The following NR5A2 variants were observed in gnomAD, a reference collection of about 807,000 sequenced individuals.
The protein encoded by NR5A2 is CYP7A promoter-binding factor.
In NR5A2, 26 loss-of-function variants were observed where a neutral mutation model predicts 62.7. The observed-to-expected ratio is 0.41, with a 90% CI of 0.30 to 0.58. NR5A2 has a LOEUF of 0.58. Among genes scored for constraint, NR5A2 ranks in the 20% least tolerant of loss-of-function variants. The probability of loss-of-function intolerance (pLI) is 0.22; values close to 1 mark genes in which losing one functional copy is unlikely to be tolerated. For synonymous variants in NR5A2, 246 were observed against 241.7 expected (o/e 1.02, Z -0.16); for missense variants, 541 against 669.1 (o/e 0.81, Z 2.11).
intron 5 of NR5A2, among the ~76,000 whole-genome samples, chr1:200,090,664 A>T (rs953309871): frequency 1.3e-5 from 2 of 152,236 alleles, no homozygotes; most frequent in Non-Finnish European, 2.9e-5. Flanking sequence ...TCAGTAAGTA[A>T]GATCAGGGAC....
intron 7 of NR5A2, among the ~76,000 whole-genome samples, chr1:200,134,528 G>T (rs1275875576): frequency 6.6e-6 from 1 of 152,092 alleles, no homozygotes. Flanking sequence ...ACATATCCCG[G>T]GTGTGTAGTA....
At chr1:200,141,789 T>C (rs1400863677) in intron 7 of NR5A2, among the ~76,000 whole-genome samples, 1 of 152,240 alleles carries the variant, frequency 6.6e-6, no homozygotes, top group East Asian at 1.9e-4. Flanking sequence ...ATATAAAACT[T>C]GAAGTTGACA....
At chr1:200,142,713 A>C (rs1035778530) in intron 7 of NR5A2, among the ~76,000 whole-genome samples, 1 of 152,094 alleles carries the variant, frequency 6.6e-6, no homozygotes, top group Non-Finnish European at 1.5e-5. Flanking sequence ...GATTTCTAAT[A>C]GACCTGTTTT....
chr1:200,057,953 A>G (rs1662996423), intron 5 of NR5A2: 1 of 152,742 alleles, frequency 6.5e-6, no homozygotes, highest in African/African-American at 2.4e-5. Flanking sequence ...ATGCGCCACC[A>G]TGCCTAGCTA....
intron 5 of NR5A2, among the ~76,000 whole-genome samples, chr1:200,093,526 A>G (rs1200927244): frequency 6.6e-6 from 1 of 152,220 alleles, no homozygotes; most frequent in African/African-American, 2.4e-5. Flanking sequence ...GATCCCTTCT[A>G]ACTTTGAGAC....
chr1:200,123,217 AG>A (rs1215884104), intron 7 of NR5A2, among the ~76,000 whole-genome samples: 1 of 152,190 alleles, frequency 6.6e-6, no homozygotes, highest in Non-Finnish European at 1.5e-5. Context: ...GTCAGAGGCC[AG>A]GGTCTATTCT....
intron 7 of NR5A2, among the ~76,000 whole-genome samples, chr1:200,152,293 G>T (rs1365110193): frequency 6.6e-6 from 1 of 152,128 alleles, no homozygotes; most frequent in Non-Finnish European, 1.5e-5. Context: ...CATGTGCAAT[G>T]AATGTATTCA....
chr1:200,124,449 A>G (rs1308987269), intron 7 of NR5A2, among the ~76,000 whole-genome samples: 1 of 152,210 alleles, frequency 6.6e-6, no homozygotes, highest in African/African-American at 2.4e-5. Context: ...GATTGTATCC[A>G]TGAGCAGACA....
At chr1:200,043,132 A>G (rs927098378) in intron 2 of NR5A2, 14 of 432,822 alleles carry the variant, frequency 3.2e-5, no homozygotes, top group Non-Finnish European at 4.0e-5. Context: ...AGATTTTCAA[A>G]CGTAAGGAGA....
intron 5 of NR5A2, among the ~76,000 whole-genome samples, chr1:200,105,981 C>T (rs375722754): frequency 4.6e-5 from 7 of 151,294 alleles, no homozygotes; most frequent in South Asian, 2.1e-4. Context: ...GGGAGGGGGC[C>T]GCAAAAAGGT....
intron 2 of NR5A2, among the ~76,000 whole-genome samples, chr1:200,040,352 T>C (rs1571699671): frequency 6.6e-6 from 1 of 152,282 alleles, no homozygotes; most frequent in South Asian, 2.1e-4. Context: ...CTGGCAGAAC[T>C]GAAGGGAACA....
At chr1:200,102,872 G>A (rs1483539855) in intron 5 of NR5A2, among the ~76,000 whole-genome samples, 1 of 152,136 alleles carries the variant, frequency 6.6e-6, no homozygotes, top group African/African-American at 2.4e-5. Flanking sequence ...AAGACTTCCT[G>A]AAGGAGGCGC....
chr1:200,030,468 A>C (rs1661510640), intron 1 of NR5A2, among the ~76,000 whole-genome samples: 1 of 152,218 alleles, frequency 6.6e-6, no homozygotes, highest in Non-Finnish European at 1.5e-5. Context: ...CAGCACACTC[A>C]GGTTATAACT....
At chr1:200,091,018 T>G (rs186471941) in intron 5 of NR5A2, among the ~76,000 whole-genome samples, 37 of 152,312 alleles carry the variant, frequency 2.4e-4, no homozygotes, top group African/African-American at 8.7e-4. Flanking sequence ...TCTTCTGAGA[T>G]CAATATCCCT....
chr1:200,127,709 A>AATATATATATATAT lies in NR5A2; in HGVS notation c.1378+6763_1378+6776dup, dbSNP rs71132667. On this transcript the variant is annotated intron_variant, in intron 7 of 7. Coordinates refer to ENST00000367362, the MANE Select transcript of NR5A2 (RefSeq NM_205860.3). ...AAAAAAAAAAAAAAAAAAAAAAAAA[A>AATATATATATATAT]ATATATATATATATATATATATGGT... Among the ~76,000 whole-genome samples the AATATATATATATAT allele has an allele frequency of 1.7e-3, 40 of 23,190 alleles. 1 individual carries two copies. The highest frequency in any genetic ancestry group is 0.038 in the Middle Eastern group (1 of 26). 15.2% of individuals were successfully genotyped at this position (23,190 alleles called of 152,430 possible).
chr1:200,133,079 AT>A (rs1427960884), intron 7 of NR5A2, among the ~76,000 whole-genome samples: 2 of 152,218 alleles, frequency 1.3e-5, no homozygotes, highest in Non-Finnish European at 2.9e-5. Flanking sequence ...ACAGATATGG[AT>A]TTCTATATTA....
Position 200,048,589 on chromosome 1 carries a change from A to G in NR5A2, c.881A>G (p.Gln294Arg), listed in dbSNP as rs756250928. The change falls in exon 5 of 8, where the codon CAG becomes CGG. Residue 294 changes from glutamine to arginine, a missense_variant. Gln to Arg is a conservative substitution (Grantham distance 43, BLOSUM62 1). Around this residue, in one of 3 missense-constraint regions of NR5A2, gnomAD observed 379 missense variants for 442.0 expected, o/e 0.86. Coordinates refer to ENST00000367362, the MANE Select transcript of NR5A2 (RefSeq NM_205860.3). This position sits in a 1 kb window ranked among gnomAD's most constrained non-coding sequence, Gnocchi z 4.8. ...IMGYSYMDSY[Q>R]TSSPASIPHL... ...GGCTATTCATATATGGATAGTTACC[A>G]GACGAGCTCTCCAGCAAGCATCCCA... The G allele has an allele frequency of 6.2e-7, 1 of 1,614,206 alleles. No individual in the cohort carries two copies. The highest frequency in any genetic ancestry group is 2.2e-5 in the East Asian group (1 of 44,880).
intron 5 of NR5A2, among the ~76,000 whole-genome samples, chr1:200,066,037 GAGGATTTTA>G (rs1173913512): frequency 6.6e-6 from 1 of 152,182 alleles, no homozygotes; most frequent in East Asian, 1.9e-4. Context: ...GAAGCCATAG[GAGGATTTTA>G]AGCAATGGAG....
chr1:200,056,330 G>A (rs563734284), intron 5 of NR5A2, among the ~76,000 whole-genome samples: 1 of 152,132 alleles, frequency 6.6e-6, no homozygotes, highest in African/African-American at 2.4e-5. Flanking sequence ...TTCTTTACTG[G>A]GATATCTTGA....
Sources: gnomAD v4.1 joint callset for allele counts (sites outside exome capture counted in the v4.1 genomes callset) on GRCh38, gnomAD v4.1.1 for gene constraint, gnomAD v4.1.1 regional missense constraint, Gnocchi (gnomAD v3.1) non-coding constraint, MANE v1.5 for transcripts, NCBI Gene and HGNC (gene_info 2026-07-23, HGNC 2026-07-21) for gene names.